GUCA1C: variants seen among roughly 807,000 people sequenced by gnomAD.
GUCA1C encodes the protein guanylyl cyclase-activating protein 3.
Under a neutral mutation model 16.2 loss-of-function variants are expected in GUCA1C, and 15 were observed. The observed-to-expected ratio is 0.93, with a 90% CI of 0.62 to 1.43. The LOEUF is 1.43. Among genes scored for constraint, GUCA1C ranks in the 40% most tolerant of loss-of-function variants. The probability of loss-of-function intolerance (pLI) is 0.00; values close to 1 mark genes in which losing one functional copy is unlikely to be tolerated. For missense variants in GUCA1C, 275 were observed against 244.8 expected (o/e 1.12, Z -0.82); for synonymous variants, 78 against 85.4 (o/e 0.91, Z 0.48).
chr3:108,910,496 A>C (rs1183464164), intron 3 of GUCA1C, among the ~76,000 whole-genome samples: 1 of 87,792 alleles, frequency 1.1e-5, no homozygotes, highest in African/African-American at 8.3e-5. Context: ...AGACTGTCTG[A>C]AAAAAAAAAA....
chr3:108,923,992 T>C (rs1946595337), intron 1 of GUCA1C, among the ~76,000 whole-genome samples: 3 of 152,196 alleles, frequency 2.0e-5, no homozygotes, highest in Admixed American at 2.0e-4. Flanking sequence ...TTTGTGTACA[T>C]TAATTTTGTA....
chr3:108,934,019 C>A (rs1297179190), intron 1 of GUCA1C, among the ~76,000 whole-genome samples: 3 of 152,136 alleles, frequency 2.0e-5, no homozygotes, highest in Non-Finnish European at 4.4e-5. Flanking sequence ...GAGTTCATGT[C>A]CTTTGCAGGG....
At chr3:108,931,963 T>C (rs1024976853) in intron 1 of GUCA1C, among the ~76,000 whole-genome samples, 2 of 148,698 alleles carry the variant, frequency 1.3e-5, no homozygotes, top group African/African-American at 2.5e-5. Flanking sequence ...GCCATTCTCC[T>C]GCTCAGCCTC....
At chr3:108,954,140 T>G (rs1032189679), upstream of GUCA1C, among the ~76,000 whole-genome samples, 1 of 152,204 alleles carries the variant, frequency 6.6e-6, no homozygotes. Context: ...TCAGGAAGCC[T>G]AGATTCTATG....
At chr3:108,940,257 G>A (rs1049694171) in intron 1 of GUCA1C, among the ~76,000 whole-genome samples, 2 of 152,146 alleles carry the variant, frequency 1.3e-5, no homozygotes, top group Non-Finnish European at 2.9e-5. Context: ...TGTATCTTAT[G>A]AATATAAACC....
intron 1 of GUCA1C, among the ~76,000 whole-genome samples, chr3:108,922,721 G>A (rs1295627471): frequency 1.3e-5 from 2 of 152,078 alleles, no homozygotes; most frequent in Non-Finnish European, 2.9e-5. Flanking sequence ...TGTGCAGAAC[G>A]TGCAGGTTTG....
At chr3:108,935,996 G>A (rs913354583) in intron 1 of GUCA1C, among the ~76,000 whole-genome samples, 12 of 152,058 alleles carry the variant, frequency 7.9e-5, no homozygotes, top group African/African-American at 2.2e-4. Flanking sequence ...GGGGTGTGGC[G>A]GCTTATGCTT....
At chr3:108,931,292 A>G (rs952109312) in intron 1 of GUCA1C, among the ~76,000 whole-genome samples, 3 of 152,236 alleles carry the variant, frequency 2.0e-5, no homozygotes, top group Middle Eastern at 3.4e-3. Context: ...AGAACATTTG[A>G]TATTTTATTT....
chr3:108,926,491 T>C (rs1315744059), intron 1 of GUCA1C, among the ~76,000 whole-genome samples: 5 of 152,028 alleles, frequency 3.3e-5, no homozygotes, highest in African/African-American at 1.2e-4. Flanking sequence ...GAAGGTCTGG[T>C]TTTTTTTGAG....
chr3:108,911,627 C>A (rs1291846192), intron 3 of GUCA1C, among the ~76,000 whole-genome samples: 1 of 152,188 alleles, frequency 6.6e-6, no homozygotes, highest in Non-Finnish European at 1.5e-5. Flanking sequence ...GTTTCTTTTC[C>A]TCTACGTGGA....
chr3:108,929,568 T>A (rs557101926), intron 1 of GUCA1C, among the ~76,000 whole-genome samples: 21 of 152,328 alleles, frequency 1.4e-4, no homozygotes, highest in African/African-American at 5.1e-4. Context: ...TACCATTAAG[T>A]ATAAGGCTTA....
chr3:108,930,999 A>C (rs1284585436), intron 1 of GUCA1C, among the ~76,000 whole-genome samples: 2 of 152,204 alleles, frequency 1.3e-5, no homozygotes, highest in Non-Finnish European at 2.9e-5. Context: ...ACAGTATCCA[A>C]CCAGAGGTAC....
intron 1 of GUCA1C, among the ~76,000 whole-genome samples, chr3:108,947,783 TG>T (rs1946856554): frequency 6.6e-6 from 1 of 152,224 alleles, no homozygotes; most frequent in Non-Finnish European, 1.5e-5. Context: ...TACTTTTGTA[TG>T]TGGAAAATTT....
intron 1 of GUCA1C, among the ~76,000 whole-genome samples, chr3:108,944,281 T>A (rs1946821325): frequency 6.6e-6 from 1 of 152,108 alleles, no homozygotes; most frequent in Non-Finnish European, 1.5e-5. Flanking sequence ...TAGGAATAAT[T>A]TCAAGGGAAA....
intron 1 of GUCA1C, among the ~76,000 whole-genome samples, chr3:108,940,170 G>T (rs1392495737): frequency 6.6e-6 from 1 of 152,164 alleles, no homozygotes; most frequent in Non-Finnish European, 1.5e-5. Context: ...GAGCTTCCAT[G>T]CTAGTAGCTC....
At chr3:108,939,289 G>T (rs1190895427) in intron 1 of GUCA1C, among the ~76,000 whole-genome samples, 1 of 130,760 alleles carries the variant, frequency 7.6e-6, no homozygotes, top group Non-Finnish European at 1.6e-5. Flanking sequence ...GGGATGGATG[G>T]TTATATAACT....
rs765080474 is a variant in GUCA1C at position 108,953,808 on chromosome 3, G to A, written c.-46C>T. The A allele has an allele frequency of 2.1e-6, 3 of 1,412,282 alleles. No individual in the cohort carries two copies. Among genetic ancestry groups the A allele is most frequent in the African/African-American group, 1.4e-5 (1 of 70,920 alleles). The allele number at this position is 1,412,282 out of a possible 1,614,324, so 87.5% of individuals were successfully genotyped here. ...TTTTCCTCAGGTTGTTTTCACTTAAGTTTTTGCTGGATTTAGTCCCTTACT... is the reference window on the plus strand; with the variant it reads ...TTTTCCTCAGGTTGTTTTCACTTAAATTTTTGCTGGATTTAGTCCCTTACT... On this transcript the variant is annotated 5_prime_UTR_variant, in exon 1 of 4. Coordinates refer to ENST00000261047, the MANE Select transcript of GUCA1C (RefSeq NM_005459.4).
rs545868130 is a variant in GUCA1C at position 108,909,158 on chromosome 3, A to C, written c.443-949T>G. 1.1e-4 allele frequency among the ~76,000 whole-genome samples: 17 copies of C among 152,380 alleles called. 1 individual carries two copies. In the Middle Eastern group the frequency reaches 0.01, roughly 91 times the overall value. Reference sequence around the variant, plus strand: ...CACAATATTGATTCAAATGTCAAACAGCATGCATCATCATATATTCGTAAG... The same window carrying C: ...CACAATATTGATTCAAATGTCAAACCGCATGCATCATCATATATTCGTAAG... On this transcript the variant is annotated intron_variant, in intron 3 of 3. Coordinates refer to ENST00000261047, the MANE Select transcript of GUCA1C (RefSeq NM_005459.4).
intron 1 of GUCA1C, among the ~76,000 whole-genome samples, chr3:108,939,652 A>G (rs114823459): frequency 0.019 from 2,887 of 151,226 alleles, 85 homozygotes; most frequent in African/African-American, 0.066. Context: ...TTTTTTAACC[A>G]GGACTGTAAC....
Sources: allele counts gnomAD v4.1 joint callset (sites outside exome capture counted in the v4.1 genomes callset), GRCh38; gene constraint gnomAD v4.1.1; transcripts MANE v1.5; gene names NCBI Gene and HGNC (gene_info 2026-07-23, HGNC 2026-07-21).